Variants in SLC30A5 observed in about 807,000 individuals in gnomAD.
SLC30A5 encodes the protein proton-coupled zinc antiporter SLC30A5.
Under a neutral mutation model 79.6 loss-of-function variants are expected in SLC30A5, and 33 were observed. The ratio of observed to expected loss-of-function variants is 0.41; its 90% CI spans 0.31 to 0.55. The LOEUF is 0.55. Among genes scored for constraint, SLC30A5 ranks in the 20% least tolerant of loss-of-function variants. The probability of loss-of-function intolerance (pLI) is 0.20; values close to 1 mark genes in which losing one functional copy is unlikely to be tolerated. For missense variants in SLC30A5, 788 were observed against 928.1 expected, an observed-to-expected ratio of 0.85 and a Z score of 1.96; for synonymous variants, 299 against 319.7, an observed-to-expected ratio of 0.94 and a Z score of 0.69.
chr5:69,100,421 A>C (rs1745877471), intron 1 of SLC30A5, among the ~76,000 whole-genome samples: 1 of 152,066 alleles, frequency 6.6e-6, no homozygotes, highest in Non-Finnish European at 1.5e-5. Context: ...TATTTTTTGT[A>C]GAGATAGGCT....
At position 69,129,411 on chromosome 5, in the gene SLC30A5, T is replaced by C. The variant is rs778220275; in HGVS notation, c.2128-36T>C. 1.9e-6 allele frequency: 3 copies of C among 1,540,682 alleles called. No homozygotes were observed. In the South Asian group the frequency reaches 3.4e-5, roughly 18 times the overall value. ...AAGACGTGTGTACTAAATGCATTAC[T>C]CTAAATGCTTCAAAATATCTGGATT... is the stretch of plus-strand genomic sequence containing the variant. On this transcript the variant is annotated intron_variant, in intron 15 of 15. Transcript: ENST00000396591.
chr5:69,103,384 ACTT>A (rs1247774244), intron 3 of SLC30A5, among the ~76,000 whole-genome samples: 2 of 152,192 alleles, frequency 1.3e-5, no homozygotes, highest in African/African-American at 4.8e-5. Flanking sequence ...TTCAGTACAC[ACTT>A]CTTATTCTGA....
chr5:69,101,040 A>C (rs1580166103), intron 2 of SLC30A5, 111 bp downstream of exon 2: 1 of 1,085,586 alleles, frequency 9.2e-7, no homozygotes, highest in Admixed American at 3.0e-5. Flanking sequence ...GTTCCTCCTG[A>C]CAAGTATTTG....
chr5:69,129,543 T>C lies in SLC30A5; in HGVS notation c.2224T>C (p.Phe742Leu), dbSNP rs1746795334. The C allele has an allele frequency of 1.2e-6, 2 of 1,613,614 alleles. No homozygotes were observed. The highest frequency in any genetic ancestry group is 1.7e-6 in the Non-Finnish European group (2 of 1,179,810). ...FQHMSGLSTG[F>L]HDVLAMTKQM... ...ACATATGTCTGGCCTAAGTACTGGA[T>C]TTCATGATGTTCTGGCTATGACAAA... is the stretch of plus-strand genomic sequence containing the variant. The change falls in exon 16 of 16, where the codon TTT becomes CTT. Residue 742 changes from phenylalanine (F) to leucine (L), a missense_variant. Phe to Leu is a conservative substitution (Grantham distance 22). This residue lies in a region of SLC30A5 where 158 missense variants were observed against 156.2 expected (regional missense o/e 1.01). Transcript: ENST00000396591.
chr5:69,112,992 G>T, intron 5 of SLC30A5, 148 bp from the exon 6 acceptor site: 1 of 617,776 alleles, frequency 1.6e-6, no homozygotes, highest in Non-Finnish European at 2.8e-6. Context: ...ATATGTAAGA[G>T]CTTTAATGTC....
chr5:69,094,252 C>T lies in SLC30A5; in HGVS notation c.-4C>T. The T allele has an allele frequency of 8.1e-7, 1 of 1,241,730 alleles. No individual in the cohort carries two copies. The allele number at this position is 1,241,730 out of a possible 1,614,324, so 76.9% of individuals were successfully genotyped here. ...GGCAGCGGCGGCGGCTCGTGAGCCCCGGGATGGAGGAGAAATACGGCGGGG... is the reference window on the plus strand; with the variant it reads ...GGCAGCGGCGGCGGCTCGTGAGCCCTGGGATGGAGGAGAAATACGGCGGGG... On this transcript the variant is annotated 5_prime_UTR_variant, in exon 1 of 16. Coordinates refer to ENST00000396591, the MANE Select transcript of SLC30A5 (RefSeq NM_022902.5).
In SLC30A5 at chr5:69,114,420, C is replaced by A. The variant is rs558938962; in HGVS notation, c.536C>A (p.Pro179His). 6.3e-7 allele frequency: 1 copy of A among 1,597,070 alleles called. No homozygotes were observed. Among genetic ancestry groups the A allele is most frequent in the Non-Finnish European group, 8.6e-7 (1 of 1,165,094 alleles). The change falls in exon 7 of 16, where the codon CCT (proline) becomes CAT (histidine). Residue 179 changes from proline to histidine, a missense_variant and splice_region_variant. Physicochemically the swap from Pro to His is moderately conservative, Grantham distance 77. Around this residue, in one of 3 missense-constraint regions of SLC30A5, gnomAD observed 626 missense variants for 755.5 expected, o/e 0.83. Coordinates refer to ENST00000396591, the MANE Select transcript of SLC30A5 (RefSeq NM_022902.5). ...TTTTCCTTTACTTCAACTCACTTAG[C>A]TGAAGGACATCATGACAGTGCTCTA... ...DDLMAKMAEH[P>H]EGHHDSALTH...
At chr5:69,128,986 T>G (rs1272106511) in intron 15 of SLC30A5, among the ~76,000 whole-genome samples, 1 of 152,086 alleles carries the variant, frequency 6.6e-6, no homozygotes, top group African/African-American at 2.4e-5. Flanking sequence ...TGTAACTGTT[T>G]GTTTGTTTGT....
At chr5:69,122,497 T>C (rs759629339) in intron 13 of SLC30A5, among the ~76,000 whole-genome samples, 2 of 152,042 alleles carry the variant, frequency 1.3e-5, no homozygotes, top group African/African-American at 4.8e-5. Flanking sequence ...CTACTAAAAA[T>C]ACATAACTTA....
chr5:69,099,679 T>C (rs1347877296), intron 1 of SLC30A5, among the ~76,000 whole-genome samples: 3 of 152,238 alleles, frequency 2.0e-5, no homozygotes, highest in Non-Finnish European at 4.4e-5. Flanking sequence ...ACTCTCACTG[T>C]AGTCACTTAA....
At chr5:69,094,980 A>G (rs1745680379) in intron 1 of SLC30A5, among the ~76,000 whole-genome samples, 2 of 152,134 alleles carry the variant, frequency 1.3e-5, no homozygotes, top group Non-Finnish European at 2.9e-5. Flanking sequence ...AGGGACCAAC[A>G]GGTGCAGCGA....
In SLC30A5 at chr5:69,094,204, A is replaced by T; in HGVS notation, c.-52A>T. ...CCCGCTGTTCCGCGGCAGCGGCGAG[A>T]CATGAGGAGACCCCGCGACAGGGGC... On this transcript the variant is annotated 5_prime_UTR_variant, in exon 1 of 16. Coordinates refer to ENST00000396591, the MANE Select transcript of SLC30A5 (RefSeq NM_022902.5). The T allele has an allele frequency of 1.1e-6, 1 of 938,258 alleles. No individual in the cohort carries two copies. Among genetic ancestry groups the T allele is most frequent in the Non-Finnish European group, 1.4e-6 (1 of 703,536 alleles). 58.1% of individuals were successfully genotyped at this position (938,258 alleles called of 1,614,324 possible).
chr5:69,130,010 A>G lies in SLC30A5; in HGVS notation c.*393A>G, dbSNP rs945018285. 3 of 153,224 alleles carry G rather than the reference A, an allele frequency of 2.0e-5. No individual in the cohort carries two copies. Among genetic ancestry groups the G allele is most frequent in the Non-Finnish European group, 4.4e-5 (3 of 68,752 alleles). 9.5% of individuals were successfully genotyped at this position (153,224 alleles called of 1,614,324 possible). On this transcript the variant is annotated 3_prime_UTR_variant, in exon 16 of 16. Coordinates refer to ENST00000396591, the MANE Select transcript of SLC30A5 (RefSeq NM_022902.5). Reference sequence around the variant, plus strand: ...GAAAAATTTTTAGTCCATTTTTTGCATAGCCTAAAGATAAAATAGGAATAA... The same window carrying G: ...GAAAAATTTTTAGTCCATTTTTTGCGTAGCCTAAAGATAAAATAGGAATAA...
intron 13 of SLC30A5, among the ~76,000 whole-genome samples, chr5:69,122,893 A>C (rs1380805807): frequency 6.6e-6 from 1 of 152,178 alleles, no homozygotes; most frequent in East Asian, 1.9e-4. Context: ...GTTTATTCTG[A>C]TTGCTTAATA....
chr5:69,123,318 A>G lies in SLC30A5; in HGVS notation c.1891A>G (p.Ile631Val), dbSNP rs2111994854. The G allele has an allele frequency of 6.2e-7, 1 of 1,613,874 alleles. No individual in the cohort carries two copies. Among genetic ancestry groups the G allele is most frequent in the South Asian group, 1.1e-5 (1 of 91,076 alleles). ...ADPLCSLFIA[I>V]LIFLSVVPLI... The stretch of plus-strand genomic sequence containing the variant: ...CCCACTCTGTTCTCTTTTTATTGCT[A>G]TATTAATATTTCTCAGTGTTGTTCC... Residue 631 changes from isoleucine (I) to valine (V), a missense_variant, in exon 14 of 16, where the codon ATA (isoleucine) becomes GTA (valine). Coordinates refer to ENST00000396591, the MANE Select transcript of SLC30A5 (RefSeq NM_022902.5).
chr5:69,117,171 G>GAT, intron 10 of SLC30A5, 68 bp from the exon 11 acceptor site: 1 of 1,297,346 alleles, frequency 7.7e-7, no homozygotes, highest in Non-Finnish European at 1.1e-6. Context: ...GATAATTAAG[G>GAT]GTTAAAATCC....
At chr5:69,102,224 T>C (rs1335683181) in intron 2 of SLC30A5, among the ~76,000 whole-genome samples, 1 of 151,382 alleles carries the variant, frequency 6.6e-6, no homozygotes, top group Non-Finnish European at 1.5e-5. Context: ...CTAATTTTTG[T>C]ATTTTTTTTA....
intron 12 of SLC30A5, among the ~76,000 whole-genome samples, chr5:69,121,055 C>G (rs182483451): frequency 6.6e-6 from 1 of 152,272 alleles, no homozygotes; most frequent in East Asian, 1.9e-4. Flanking sequence ...AATCCCAACA[C>G]TTTTGGAGGC....
chr5:69,127,182 A>G (rs935470877), intron 14 of SLC30A5, among the ~76,000 whole-genome samples: 1 of 152,234 alleles, frequency 6.6e-6, no homozygotes, highest in African/African-American at 2.4e-5. Context: ...TGTTATCTCT[A>G]TATAACAAAT....
Sources: allele counts gnomAD v4.1 joint callset (sites outside exome capture counted in the v4.1 genomes callset), GRCh38; gene constraint gnomAD v4.1.1; regional missense constraint gnomAD v4.1.1; transcripts MANE v1.5; gene names NCBI Gene and HGNC (gene_info 2026-07-23, HGNC 2026-07-21).